ZNF536: variants seen among roughly 807,000 people sequenced by gnomAD.
ZNF536 encodes zinc finger protein 536.
Under a neutral mutation model 84.5 loss-of-function variants are expected in ZNF536, and 13 were observed. That is an observed-to-expected ratio of 0.15 (90% CI 0.10 to 0.24). ZNF536 has a LOEUF of 0.24. Among genes scored for constraint, ZNF536 ranks in the 10% least tolerant of loss-of-function variants. The pLI is 1.00. For missense variants in ZNF536, 1,536 were observed against 1,747.5 expected, an observed-to-expected ratio of 0.88 and a Z score of 2.16; for synonymous variants, 811 against 742.5, an observed-to-expected ratio of 1.09 and a Z score of -1.50.
chr19:30,279,763 A>G (rs755623527), intron 1 of ZNF536, among the ~76,000 whole-genome samples: 21 of 152,194 alleles, frequency 1.4e-4, no homozygotes, highest in Non-Finnish European at 2.6e-4. Flanking sequence ...CTCAAGTGTC[A>G]TCTGTGGGGA....
chr19:30,271,946 G>A (rs927176461), intron 1 of ZNF536, among the ~76,000 whole-genome samples: 2 of 152,202 alleles, frequency 1.3e-5, no homozygotes, highest in African/African-American at 2.4e-5. Flanking sequence ...GGTAGAATGA[G>A]GTCTTCAGCC....
intron 1 of ZNF536, among the ~76,000 whole-genome samples, chr19:30,608,713 G>T (rs949385367): frequency 6.6e-6 from 1 of 152,198 alleles, no homozygotes; most frequent in Non-Finnish European, 1.5e-5. Flanking sequence ...AGTTCTTGTT[G>T]TGTGTTTCCA....
At chr19:30,446,933 T>C (rs1390806223) in intron 2 of ZNF536, among the ~76,000 whole-genome samples, 1 of 152,230 alleles carries the variant, frequency 6.6e-6, no homozygotes, top group Admixed American at 6.5e-5. Context: ...CCCTTACTAA[T>C]GGATAGTAAA....
chr19:30,453,174 C>T (rs1378970821), intron 2 of ZNF536, among the ~76,000 whole-genome samples: 3 of 152,120 alleles, frequency 2.0e-5, no homozygotes, highest in Non-Finnish European at 4.4e-5. Context: ...AGCTGTGTCC[C>T]CCCCACCCCC....
intron 1 of ZNF536, among the ~76,000 whole-genome samples, chr19:30,583,174 A>G (rs2046984104): frequency 6.6e-6 from 1 of 152,166 alleles, no homozygotes; most frequent in African/African-American, 2.4e-5. Flanking sequence ...CCTTATCAAC[A>G]CTGACAGTCA....
chr19:30,270,419 A>G (rs1245515066), intron 1 of ZNF536, among the ~76,000 whole-genome samples: 1 of 152,230 alleles, frequency 6.6e-6, no homozygotes, highest in Non-Finnish European at 1.5e-5. Flanking sequence ...TGAAATCTGG[A>G]TAACAACACT....
At chr19:30,549,609 A>T (rs2045697637) in intron 4 of ZNF536, 95 bp downstream of exon 4, 1 of 1,345,084 alleles carries the variant, frequency 7.4e-7, no homozygotes. Context: ...TCCATGAGCA[A>T]CTTTTGAATG....
chr19:30,604,492 G>A (rs921960619), intron 1 of ZNF536, among the ~76,000 whole-genome samples: 1 of 152,110 alleles, frequency 6.6e-6, no homozygotes, highest in Non-Finnish European at 1.5e-5. Flanking sequence ...TCACAGTGTA[G>A]CCTTAACAAG....
intron 1 of ZNF536, among the ~76,000 whole-genome samples, chr19:30,277,169 TC>T (rs2145567378): frequency 6.6e-6 from 1 of 152,338 alleles, no homozygotes; most frequent in Admixed American, 6.5e-5. Flanking sequence ...AGAAAGACCA[TC>T]TTTAGAGTAA....
At chr19:30,660,614 A>G (rs921225117) in intron 1 of ZNF536, among the ~76,000 whole-genome samples, 1 of 152,160 alleles carries the variant, frequency 6.6e-6, no homozygotes, top group Non-Finnish European at 1.5e-5. Flanking sequence ...AGAGCACTTA[A>G]TTGTTACTGA....
chr19:30,638,519 C>T (rs935726519), intron 1 of ZNF536, among the ~76,000 whole-genome samples: 1 of 152,162 alleles, frequency 6.6e-6, no homozygotes, highest in African/African-American at 2.4e-5. Context: ...TTTTAAACAA[C>T]CAGATCTCAG....
At chr19:30,323,035 G>C (rs2046908921) in intron 2 of ZNF536, among the ~76,000 whole-genome samples, 1 of 152,162 alleles carries the variant, frequency 6.6e-6, no homozygotes. Context: ...GCAAAGCCAA[G>C]ACCCTGGGGC....
At chr19:30,519,538 A>G (rs2145681026) in intron 2 of ZNF536, among the ~76,000 whole-genome samples, 1 of 152,320 alleles carries the variant, frequency 6.6e-6, no homozygotes, top group East Asian at 1.9e-4. Context: ...CTGGGATACC[A>G]GACACCAGAT....
intron 3 of ZNF536, among the ~76,000 whole-genome samples, chr19:30,360,549 C>G (rs1295623860): frequency 6.6e-6 from 1 of 152,198 alleles, no homozygotes; most frequent in Non-Finnish European, 1.5e-5. Context: ...ATGGGAGTGT[C>G]TGACGCCAGG....
At chr19:30,538,325 TAATATA>T (rs913162285) in intron 3 of ZNF536, among the ~76,000 whole-genome samples, 2 of 152,338 alleles carry the variant, frequency 1.3e-5, no homozygotes, top group Admixed American at 1.3e-4. Context: ...ACCCAACGTG[TAATATA>T]AATATATTTT....
chr19:30,440,589 A>G (rs774073433), intron 1 of ZNF536, among the ~76,000 whole-genome samples: 1 of 152,196 alleles, frequency 6.6e-6, no homozygotes, highest in Non-Finnish European at 1.5e-5. Context: ...GGAATGAAGT[A>G]TGTCTGTAAA....
chr19:30,518,592 C>T (rs920782786), intron 2 of ZNF536, among the ~76,000 whole-genome samples: 16 of 152,314 alleles, frequency 1.1e-4, no homozygotes, highest in African/African-American at 2.4e-4. Flanking sequence ...GGATGATGTG[C>T]GTGTGTACGC....
chr19:30,574,745 T>G (rs945599935), intron 1 of ZNF536, among the ~76,000 whole-genome samples: 1 of 152,272 alleles, frequency 6.6e-6, no homozygotes, highest in Admixed American at 6.5e-5. Context: ...CACTTCATCA[T>G]GATCAAGTGT....
chr19:30,387,998 C>A (rs1041391579), intron 1 of ZNF536, among the ~76,000 whole-genome samples: 1 of 151,524 alleles, frequency 6.6e-6, no homozygotes, highest in African/African-American at 2.4e-5. Context: ...AGGTGGAGCC[C>A]CTTAGAGGTC....
Sources: allele counts gnomAD v4.1 joint callset (sites outside exome capture counted in the v4.1 genomes callset), GRCh38; gene constraint gnomAD v4.1.1; transcripts MANE v1.5; gene names NCBI Gene and HGNC (gene_info 2026-07-23, HGNC 2026-07-21).